Variants in ADAM19 observed in about 807,000 individuals in gnomAD.
ADAM19 encodes the protein ADAM metallopeptidase domain 19.
A neutral mutation model predicts 114.7 loss-of-function variants in ADAM19; 65 were observed. That is an observed-to-expected ratio of 0.57 (90% CI 0.46 to 0.70). The LOEUF is 0.70. Among genes scored for constraint, ADAM19 ranks in the 30% least tolerant of loss-of-function variants. The probability of loss-of-function intolerance (pLI) is 0.00; values close to 1 mark genes in which losing one functional copy is unlikely to be tolerated. For synonymous variants in ADAM19, 466 were observed against 460.5 expected, an observed-to-expected ratio of 1.01 and a Z score of -0.15; for missense variants, 1,063 against 1,204.7, an observed-to-expected ratio of 0.88 and a Z score of 1.74.
chr5:157,518,981 C>T, intron 6 of ADAM19, 93 bp from the exon 7 acceptor site: 1 of 1,017,616 alleles, frequency 9.8e-7, no homozygotes, highest in Non-Finnish European at 1.5e-6. Flanking sequence ...GGATAAGCAG[C>T]AGCTACCTCC....
intron 3 of ADAM19, among the ~76,000 whole-genome samples, chr5:157,539,611 G>T (rs531148390): frequency 6.6e-6 from 1 of 152,300 alleles, no homozygotes; most frequent in South Asian, 2.1e-4. Context: ...AGCCCAACAG[G>T]AAAATGTAAA....
intron 4 of ADAM19, 54 bp downstream of exon 4, chr5:157,537,859 A>G (rs1756807032): frequency 1.3e-6 from 2 of 1,504,402 alleles, no homozygotes; most frequent in African/African-American, 2.8e-5. Flanking sequence ...AGGTCCTAGG[A>G]GTAGGGCTGG....
intron 21 of ADAM19, 94 bp downstream of exon 21, chr5:157,488,171 C>G: frequency 7.6e-7 from 1 of 1,320,366 alleles, no homozygotes; most frequent in Non-Finnish European, 1.1e-6. Flanking sequence ...GCTCATGACC[C>G]CACAAGTTTC....
At chr5:157,514,991 A>T (rs990427101) in intron 7 of ADAM19, among the ~76,000 whole-genome samples, 5 of 152,258 alleles carry the variant, frequency 3.3e-5, no homozygotes, top group Non-Finnish European at 5.9e-5. Context: ...AGAAAGAACA[A>T]GAACAGCCAA....
intron 13 of ADAM19, among the ~76,000 whole-genome samples, chr5:157,497,776 C>T (rs2113708029): frequency 6.6e-6 from 1 of 152,316 alleles, no homozygotes; most frequent in African/African-American, 2.4e-5. Context: ...ATAAGTTGAT[C>T]AACAGCACAC....
At chr5:157,510,035 A>G (rs10866659) in intron 8 of ADAM19, among the ~76,000 whole-genome samples, 63,716 of 152,052 alleles carry the variant, frequency 0.42, 14,467 homozygotes, top group African/African-American at 0.6. Context: ...TCCTTATGTG[A>G]GCCTTATCTT....
At chr5:157,557,711 T>G (rs1282684843) in intron 3 of ADAM19, among the ~76,000 whole-genome samples, 1 of 152,142 alleles carries the variant, frequency 6.6e-6, no homozygotes, top group Admixed American at 6.5e-5. Context: ...GGTTCATAGA[T>G]GGTAGCTGCT....
chr5:157,494,893 T>C, intron 14 of ADAM19, 98 bp from the exon 15 acceptor site: 1 of 901,836 alleles, frequency 1.1e-6, no homozygotes, highest in Non-Finnish European at 1.7e-6. Flanking sequence ...GAATATTTTC[T>C]GGGAGGGAAT....
intron 22 of ADAM19, chr5:157,481,482 T>C (rs755819787): frequency 8.6e-6 from 8 of 934,888 alleles, no homozygotes; most frequent in Non-Finnish European, 1.2e-5. Context: ...CTACTGCTCA[T>C]CATAGCCTCT....
intron 8 of ADAM19, 118 bp downstream of exon 8, chr5:157,513,316 A>G: frequency 1.0e-6 from 1 of 965,408 alleles, no homozygotes; most frequent in Non-Finnish European, 1.7e-6. Flanking sequence ...CCTCTATGGC[A>G]CTGCTCATTC....
At chr5:157,492,742 G>C (rs1755217821) in intron 16 of ADAM19, among the ~76,000 whole-genome samples, 1 of 152,166 alleles carries the variant, frequency 6.6e-6, no homozygotes, top group Non-Finnish European at 1.5e-5. Flanking sequence ...GAGGATGAAA[G>C]TGGCACTAGC....
chr5:157,575,562 C>T (rs1245435487), intron 1 of ADAM19, 41 bp downstream of exon 1: 2 of 1,410,630 alleles, frequency 1.4e-6, no homozygotes, highest in South Asian at 2.8e-5. Context: ...CCCAGGTCTC[C>T]GGGCCACCCA....
intron 3 of ADAM19, 147 bp from the exon 4 acceptor site, chr5:157,538,138 CA>C: frequency 2.0e-6 from 1 of 504,364 alleles, no homozygotes; most frequent in Non-Finnish European, 3.5e-6. Flanking sequence ...GGCTAAGGAA[CA>C]AAAAGGAAAA....
At chr5:157,486,170 G>A (rs1211331304) in intron 21 of ADAM19, among the ~76,000 whole-genome samples, 1 of 152,202 alleles carries the variant, frequency 6.6e-6, no homozygotes, top group African/African-American at 2.4e-5. Flanking sequence ...ATGAGACCTG[G>A]GTTCAAGTCC....
intron 3 of ADAM19, among the ~76,000 whole-genome samples, chr5:157,546,838 G>A (rs868843557): frequency 1.1e-4 from 17 of 152,166 alleles, no homozygotes; most frequent in Non-Finnish European, 1.3e-4. Context: ...AAGTCATAAA[G>A]ACCCCATTTC....
At chr5:157,568,538 A>G (rs1280072504) in intron 2 of ADAM19, 1 of 152,140 alleles carries the variant, frequency 6.6e-6, no homozygotes, top group Non-Finnish European at 1.5e-5. Flanking sequence ...CTGACCCACT[A>G]TTTATACCTC....
In ADAM19 at chr5:157,488,309, G is replaced by A. The variant is rs995228035; in HGVS notation, c.2506C>T (p.Pro836Ser). The A allele has an allele frequency of 6.2e-7, 1 of 1,614,156 alleles. No homozygotes were observed. The highest frequency in any genetic ancestry group is 8.5e-7 in the Non-Finnish European group (1 of 1,179,988). ...ERTESSRRPP[P>S]SRPIPPAPNC... ...GGTGCGGGGGGAATTGGCCGGCTTGGAGGAGGCCTCCTGGACGACTCCGTC... is the reference window on the plus strand; with the variant it reads ...GGTGCGGGGGGAATTGGCCGGCTTGAAGGAGGCCTCCTGGACGACTCCGTC... Residue 836 changes from proline (P) to serine (S), a missense_variant, in exon 21 of 23, where the codon CCA (proline) becomes TCA (serine). Coordinates refer to ENST00000257527, the MANE Select transcript of ADAM19 (RefSeq NM_033274.5).
chr5:157,542,265 T>C (rs1271333076), intron 3 of ADAM19, among the ~76,000 whole-genome samples: 2 of 152,150 alleles, frequency 1.3e-5, no homozygotes, highest in African/African-American at 2.4e-5. Flanking sequence ...AATAGTTTTT[T>C]TTTTTTCAGG....
chr5:157,561,579 G>T (rs4704883), intron 3 of ADAM19, among the ~76,000 whole-genome samples: 98,279 of 152,002 alleles, frequency 0.65, 33,187 homozygotes, highest in African/African-American at 0.85. Context: ...TTAGGGCCTT[G>T]GAACGTGGCT....
Sources: allele counts gnomAD v4.1 joint callset (sites outside exome capture counted in the v4.1 genomes callset), GRCh38; gene constraint gnomAD v4.1.1; transcripts MANE v1.5; gene names NCBI Gene and HGNC (gene_info 2026-07-23, HGNC 2026-07-21).